MALRD1: variants seen among roughly 807,000 people sequenced by gnomAD.
MALRD1 encodes MAM and LDL-receptor class A domain-containing protein 1.
MALRD1 carries 247 observed loss-of-function variants against 242.1 expected under a neutral mutation model. The observed-to-expected ratio is 1.02, with a 90% CI of 0.92 to 1.13. The LOEUF is 1.13. Among genes scored for constraint, MALRD1 ranks in the 50% most tolerant of loss-of-function variants. The pLI is 0.00. For synonymous variants in MALRD1, 995 were observed against 866.6 expected, an observed-to-expected ratio of 1.15 and a Z score of -2.60; for missense variants, 2,989 against 2,533.1, an observed-to-expected ratio of 1.18 and a Z score of -3.86.
intron 28 of MALRD1, among the ~76,000 whole-genome samples, chr10:19,424,097 G>C (rs900737436): frequency 2.0e-5 from 3 of 152,094 alleles, no homozygotes; most frequent in Non-Finnish European, 2.9e-5. Context: ...CAAGAGTTTG[G>C]AAATCTAGCT....
chr10:19,625,233 A>G (rs1175000193), intron 36 of MALRD1, among the ~76,000 whole-genome samples: 2 of 152,166 alleles, frequency 1.3e-5, no homozygotes, highest in African/African-American at 4.8e-5. Context: ...TTATGATTCT[A>G]GAGTTCCATG....
chr10:19,252,781 G>T (rs986723700), intron 18 of MALRD1, among the ~76,000 whole-genome samples: 1 of 151,920 alleles, frequency 6.6e-6, no homozygotes, highest in Non-Finnish European at 1.5e-5. Context: ...CAATTATTCT[G>T]CAGCTTTGTG....
chr10:19,729,379 A>T (rs2131935846), intron 38 of MALRD1, among the ~76,000 whole-genome samples: 1 of 152,342 alleles, frequency 6.6e-6, no homozygotes, highest in African/African-American at 2.4e-5. Context: ...TATCCTGAAT[A>T]GGCAAAAAAT....
intron 28 of MALRD1, among the ~76,000 whole-genome samples, chr10:19,400,363 G>A (rs937118777): frequency 6.6e-6 from 1 of 152,158 alleles, no homozygotes; most frequent in African/African-American, 2.4e-5. Flanking sequence ...TTCAGTGGCG[G>A]TGTGTTCCCA....
chr10:19,164,489 A>T (rs994593464), intron 12 of MALRD1, among the ~76,000 whole-genome samples: 1 of 152,174 alleles, frequency 6.6e-6, no homozygotes, highest in South Asian at 2.1e-4. Context: ...GAAGTATTCC[A>T]CTTTTGTGGG....
At chr10:19,163,789 C>A (rs576116566) in intron 12 of MALRD1, among the ~76,000 whole-genome samples, 15 of 152,140 alleles carry the variant, frequency 9.9e-5, no homozygotes, top group Non-Finnish European at 1.6e-4. Flanking sequence ...GAATTTAAGT[C>A]TCCATAATGC....
intron 14 of MALRD1, among the ~76,000 whole-genome samples, chr10:19,179,496 A>G (rs1835405529): frequency 6.6e-6 from 1 of 152,074 alleles, no homozygotes; most frequent in South Asian, 2.1e-4. Context: ...CTAAAAATAT[A>G]AAAATTATCA....
chr10:19,161,169 A>C (rs1834382159), intron 12 of MALRD1, among the ~76,000 whole-genome samples: 1 of 138,380 alleles, frequency 7.2e-6, no homozygotes, highest in Non-Finnish European at 1.6e-5. Flanking sequence ...AATACTATGC[A>C]GCCATAAAAA....
chr10:19,506,737 T>G (rs1257495988), intron 31 of MALRD1, among the ~76,000 whole-genome samples: 1 of 152,158 alleles, frequency 6.6e-6, no homozygotes, highest in Non-Finnish European at 1.5e-5. Flanking sequence ...AGTCATTATC[T>G]GATAAAAATA....
intron 7 of MALRD1, among the ~76,000 whole-genome samples, chr10:19,125,325 CTT>C (rs1217331122): frequency 3.3e-5 from 2 of 59,920 alleles, no homozygotes; most frequent in Non-Finnish European, 6.5e-5. Flanking sequence ...TTCCTTCCTT[CTT>C]TCTTTCTTTC....
chr10:19,358,933 A>G (rs541808194), intron 26 of MALRD1, among the ~76,000 whole-genome samples: 2 of 152,332 alleles, frequency 1.3e-5, no homozygotes, highest in South Asian at 4.1e-4. Context: ...ATTGCTTTCA[A>G]AAAGTCTCTA....
At chr10:19,177,220 T>C (rs10458679) in intron 14 of MALRD1, among the ~76,000 whole-genome samples, 85,555 of 149,542 alleles carry the variant, frequency 0.57, 24,766 homozygotes, top group Admixed American at 0.67. Flanking sequence ...GCGGAGCTTG[T>C]AGTGAGCCGA....
At chr10:19,527,144 G>T (rs1441541053) in intron 31 of MALRD1, among the ~76,000 whole-genome samples, 1 of 152,102 alleles carries the variant, frequency 6.6e-6, no homozygotes, top group Non-Finnish European at 1.5e-5. Context: ...TAGGTACCAG[G>T]CTGGAAGAAA....
intron 8 of MALRD1, among the ~76,000 whole-genome samples, chr10:19,129,565 A>G (rs1452865509): frequency 6.6e-6 from 1 of 151,924 alleles, no homozygotes; most frequent in Non-Finnish European, 1.5e-5. Context: ...CTTCTTCCCC[A>G]AAGAGGTGGG....
chr10:19,238,774 T>G (rs1480651217), intron 18 of MALRD1, among the ~76,000 whole-genome samples: 1 of 150,618 alleles, frequency 6.6e-6, no homozygotes, highest in African/African-American at 2.4e-5. Flanking sequence ...TTTTGTTTTT[T>G]TTTAAATTTT....
At chr10:19,386,436 CT>C (rs1846077568) in intron 26 of MALRD1, among the ~76,000 whole-genome samples, 1 of 151,892 alleles carries the variant, frequency 6.6e-6, no homozygotes, top group Admixed American at 6.6e-5. Context: ...ATGTCAGATC[CT>C]GTAGTGTCAG....
intron 38 of MALRD1, among the ~76,000 whole-genome samples, chr10:19,705,343 C>G (rs113631761): frequency 6.6e-6 from 1 of 152,122 alleles, no homozygotes. Flanking sequence ...TGTCCTGGTC[C>G]CAGAAATACT....
intron 8 of MALRD1, among the ~76,000 whole-genome samples, chr10:19,132,050 A>T (rs1833131348): frequency 6.6e-6 from 1 of 152,220 alleles, no homozygotes; most frequent in African/African-American, 2.4e-5. Flanking sequence ...TGTACTATGA[A>T]CTTGGCTTAT....
chr10:19,374,812 C>T (rs1486493302), intron 26 of MALRD1, among the ~76,000 whole-genome samples: 5 of 152,098 alleles, frequency 3.3e-5, no homozygotes, highest in African/African-American at 1.2e-4. Flanking sequence ...TGGAGACCAT[C>T]ACAGGACCTG....
Sources: allele counts gnomAD v4.1 joint callset (sites outside exome capture counted in the v4.1 genomes callset), GRCh38; gene constraint gnomAD v4.1.1; transcripts MANE v1.5; gene names NCBI Gene and HGNC (gene_info 2026-07-23, HGNC 2026-07-21).